Variants in GTPBP2 observed in about 807,000 individuals in gnomAD.
GTPBP2 encodes the protein GTP-binding protein 2.
In GTPBP2, 32 loss-of-function variants were observed where a neutral mutation model predicts 63.0. That is an observed-to-expected ratio of 0.51 (90% CI 0.38 to 0.68). The LOEUF is 0.68. Ranked by LOEUF, GTPBP2 falls within the 30% of genes least tolerant of loss-of-function variation. The probability of loss-of-function intolerance (pLI) is 0.00; values close to 1 mark genes in which losing one functional copy is unlikely to be tolerated. For synonymous variants in GTPBP2, 310 were observed against 322.6 expected, an observed-to-expected ratio of 0.96 and a Z score of 0.42; for missense variants, 492 against 796.9, an observed-to-expected ratio of 0.62 and a Z score of 4.61.
At chr6:43,629,310 C>A (rs1769740708), upstream of GTPBP2, 1 of 612,848 alleles carries the variant, frequency 1.6e-6, no homozygotes, top group Non-Finnish European at 2.6e-6. Flanking sequence ...CCCTGGCCTC[C>A]GGGTCGCGTC....
chr6:43,625,092 T>G lies in GTPBP2; in HGVS notation c.706-30A>C, dbSNP rs759190177. The G allele has an allele frequency of 6.2e-6, 10 of 1,606,706 alleles. No homozygotes were observed. The East Asian group carries it at 2.0e-4, about 32-fold the overall frequency. ...CCCAGGGCCCAGGGCCCTCAGTGCC[T>G]CCTGCCAGCCCTTCCAACCCCTTCA... On this transcript the variant is annotated intron_variant, in intron 5 of 11. Transcript: ENST00000307126. The surrounding 1 kb of genome is among the most constrained non-coding windows in gnomAD (Gnocchi z 5.1).
chr6:43,624,208 G>C lies in GTPBP2; in HGVS notation c.1101-140C>G, dbSNP rs1193890990. 4.2e-6 allele frequency: 3 copies of C among 721,650 alleles called. No homozygotes were observed. The highest frequency in any genetic ancestry group is 6.8e-6 in the Non-Finnish European group (3 of 442,840). 44.7% of individuals were successfully genotyped at this position (721,650 alleles called of 1,614,324 possible). On this transcript the variant is annotated intron_variant, in intron 7 of 11. Coordinates refer to ENST00000307126, the MANE Select transcript of GTPBP2 (RefSeq NM_019096.5). The surrounding 1 kb of genome is among the most constrained non-coding windows in gnomAD (Gnocchi z 5.1). ...TCTGCAAATGGCTCAGGAACTCTGG[G>C]CCTTCTTGTGAGCCAGTCGAGCAAT... is the stretch of plus-strand genomic sequence containing the variant.
chr6:43,628,892 GATTA>G (rs765635128), intron 1 of GTPBP2, 81 bp downstream of exon 1: 39 of 1,412,164 alleles, frequency 2.8e-5, no homozygotes, highest in Non-Finnish European at 3.4e-5. Flanking sequence ...CGGAAGGGGA[GATTA>G]ATTATCTGGG....
rs781229521 is a variant in GTPBP2 at position 43,625,728 on chromosome 6, T to C, written c.507+28A>G. On this transcript the variant is annotated intron_variant, in intron 4 of 11. Transcript: ENST00000307126. The surrounding 1 kb of genome is among the most constrained non-coding windows in gnomAD (Gnocchi z 5.1). Reference sequence around the variant, plus strand: ...ACAGGGCCCTTCCACAGTGTGGACATGAGAGACAGGGATGGGTGTGTGCTC... The same window carrying C: ...ACAGGGCCCTTCCACAGTGTGGACACGAGAGACAGGGATGGGTGTGTGCTC... 2 of 1,547,358 alleles carry C rather than the reference T, an allele frequency of 1.3e-6. No individual in the cohort carries two copies. The highest frequency in any genetic ancestry group is 1.7e-5 in the Admixed American group (1 of 59,958).
Position 43,625,593 on chromosome 6 carries a change from A to G in GTPBP2, c.508-33T>C. Reference sequence around the variant, plus strand: ...TGAATTGCCAGAGATAAGAACTCCAATCTCTCACCCCTCTAACTGAAGACT... The same window carrying G: ...TGAATTGCCAGAGATAAGAACTCCAGTCTCTCACCCCTCTAACTGAAGACT... On this transcript the variant is annotated intron_variant, in intron 4 of 11. Transcript: ENST00000307126. This position sits in a 1 kb window ranked among gnomAD's most constrained non-coding sequence, Gnocchi z 5.1. The G allele has an allele frequency of 1.3e-6, 2 of 1,552,494 alleles. No individual in the cohort carries two copies. The highest frequency in any genetic ancestry group is 2.2e-5 in the South Asian group (2 of 89,914).
upstream of GTPBP2, among the ~76,000 whole-genome samples, chr6:43,630,072 G>A (rs1769807098): frequency 6.6e-6 from 1 of 152,238 alleles, no homozygotes; most frequent in Non-Finnish European, 1.5e-5. Flanking sequence ...GGCCAAGACT[G>A]TAGGAGGGGC....
At position 43,625,453 on chromosome 6, in the gene GTPBP2, C is replaced by A. The variant is rs773733815; in HGVS notation, c.615G>T (p.Arg205=). The A allele has an allele frequency of 6.2e-7, 1 of 1,614,084 alleles. No individual in the cohort carries two copies. Among genetic ancestry groups the A allele is most frequent in the Non-Finnish European group, 8.5e-7 (1 of 1,180,002 alleles). ...CATGCAGGTGGCGGAAAAGGTTGAG[C>A]CGAGCCCGGCCCCGCCCATTGTCCA... The part of the protein sequence containing the change: ...GELDNGRGRA[R]LNLFRHLHEI... The change falls in exon 5 of 12, where the codon CGG becomes CGT. Residue 205 remains arginine, a synonymous_variant. Transcript: ENST00000307126. This position sits in a 1 kb window ranked among gnomAD's most constrained non-coding sequence, Gnocchi z 5.1.
Position 43,626,902 on chromosome 6 carries a change from T to C in GTPBP2, c.213+20A>G, listed in dbSNP as rs553794993. ...GGACAACCTACCCCAGCCCCTGCTT[T>C]TCCCCAGCCTAGGACTCACTTTATA... On this transcript the variant is annotated intron_variant, in intron 2 of 11. Coordinates refer to ENST00000307126, the MANE Select transcript of GTPBP2 (RefSeq NM_019096.5). The surrounding 1 kb of genome is among the most constrained non-coding windows in gnomAD (Gnocchi z 4.0). 6.3e-7 allele frequency: 1 copy of C among 1,596,370 alleles called. No individual in the cohort carries two copies. Among genetic ancestry groups the C allele is most frequent in the Admixed American group, 1.7e-5 (1 of 57,388 alleles).
Position 43,625,077 on chromosome 6 carries a change from A to AGGGCCCT in GTPBP2, c.706-22_706-16dup. On this transcript the variant is annotated splice_polypyrimidine_tract_variant and intron_variant, in intron 5 of 11. Coordinates refer to ENST00000307126, the MANE Select transcript of GTPBP2 (RefSeq NM_019096.5). This position sits in a 1 kb window ranked among gnomAD's most constrained non-coding sequence, Gnocchi z 5.1. ...TAATTCACCACCTGGCCCAGGGCCC[A>AGGGCCCT]GGGCCCTCAGTGCCTCCTGCCAGCC... 1 of 1,611,666 alleles carries AGGGCCCT rather than the reference A, an allele frequency of 6.2e-7. No homozygotes were observed. The highest frequency in any genetic ancestry group is 8.5e-7 in the Non-Finnish European group (1 of 1,178,950).
intron 9 of GTPBP2, chr6:43,623,138 C>G (rs1207332923): frequency 4.1e-6 from 1 of 244,806 alleles, no homozygotes; most frequent in Non-Finnish European, 7.9e-6. Flanking sequence ...CACCTGTAAT[C>G]CTAGCACTTG....
In GTPBP2 at chr6:43,622,001, A is replaced by G; in HGVS notation, c.1632+2T>C. ...AGAAATGGAAGGCCAGGTCCCTCTC[A>G]CCTTGGCATGGATCTTTTCCACCAC... On this transcript the variant is annotated splice_donor_variant, in intron 11 of 11. Transcript: ENST00000307126. LOFTEE classifies it high-confidence loss of function. The surrounding 1 kb of genome is among the most constrained non-coding windows in gnomAD (Gnocchi z 5.4). The G allele has an allele frequency of 6.2e-7, 1 of 1,613,908 alleles. No individual in the cohort carries two copies. The highest frequency in any genetic ancestry group is 8.5e-7 in the Non-Finnish European group (1 of 1,179,858).
chr6:43,626,828 CAAAAA>C lies in GTPBP2; in HGVS notation c.213+89_213+93del. The C allele has an allele frequency of 1.2e-6, 1 of 828,392 alleles. No homozygotes were observed. The highest frequency in any genetic ancestry group is 1.9e-5 in the African/African-American group (1 of 53,820). The allele number at this position is 828,392 out of a possible 1,614,324, so 51.3% of individuals were successfully genotyped here. ...AGGCAACAAGAGCAAAACTTCATCT[CAAAAA>C]AAAAAAAGAAAGAAAGAAAAAAGAA... On this transcript the variant is annotated intron_variant, in intron 2 of 11. Coordinates refer to ENST00000307126, the MANE Select transcript of GTPBP2 (RefSeq NM_019096.5). This position sits in a 1 kb window ranked among gnomAD's most constrained non-coding sequence, Gnocchi z 4.0.
chr6:43,627,156 C>T (rs568912119), intron 1 of GTPBP2: 2 of 628,474 alleles, frequency 3.2e-6, no homozygotes, highest in Admixed American at 8.1e-5. Context: ...CCTATAAGGA[C>T]ACAAGGAGTC....
chr6:43,622,920 G>A lies in GTPBP2; in HGVS notation c.1296-116C>T. On this transcript the variant is annotated intron_variant, in intron 9 of 11. Coordinates refer to ENST00000307126, the MANE Select transcript of GTPBP2 (RefSeq NM_019096.5). This position sits in a 1 kb window ranked among gnomAD's most constrained non-coding sequence, Gnocchi z 5.4. Reference sequence around the variant, plus strand: ...AGGGTTGAGTCCCTCAAGTGGGGAAGAACCCTAAATTCTGACTTGGATGTA... The same window carrying A: ...AGGGTTGAGTCCCTCAAGTGGGGAAAAACCCTAAATTCTGACTTGGATGTA... 2 of 781,206 alleles carry A rather than the reference G, an allele frequency of 2.6e-6. No individual in the cohort carries two copies. Among genetic ancestry groups the A allele is most frequent in the Non-Finnish European group, 4.0e-6 (2 of 497,802 alleles). The allele number at this position is 781,206 out of a possible 1,614,324, so 48.4% of individuals were successfully genotyped here.
rs1769242554 is a variant in GTPBP2 at position 43,625,619 on chromosome 6, G to A, written c.508-59C>T. On this transcript the variant is annotated intron_variant, in intron 4 of 11. Transcript: ENST00000307126. This position sits in a 1 kb window ranked among gnomAD's most constrained non-coding sequence, Gnocchi z 5.1. ...TCTCTCACCCCTCTAACTGAAGACT[G>A]GGTCAAGGGCAGTGACGCTCCCTAG... 6.7e-7 allele frequency: 1 copy of A among 1,488,670 alleles called. No homozygotes were observed. The highest frequency in any genetic ancestry group is 1.4e-5 in the African/African-American group (1 of 72,418). The allele number at this position is 1,488,670 out of a possible 1,614,324, so 92.2% of individuals were successfully genotyped here.
chr6:43,628,662 A>C, intron 1 of GTPBP2: 1 of 816,546 alleles, frequency 1.2e-6, no homozygotes, highest in Non-Finnish European at 1.9e-6. Context: ...CTCTTGCCCT[A>C]TGGCGGCACA....
rs1768725420 is a variant in GTPBP2 at position 43,621,626 on chromosome 6, G to T, written c.1797C>A (p.Asn599Lys). Residue 599 changes from asparagine (N) to lysine (K), a missense_variant, in exon 12 of 12, where the codon AAC becomes AAA. Physicochemically the swap from Asn to Lys is moderately conservative, Grantham distance 94 (BLOSUM62 0). Transcript: ENST00000307126. ...QAITAGEAQANMGF is the reference protein window; with the variant it reads ...QAITAGEAQAKMGF Reference sequence around the variant, plus strand: ...CTGCCTGAAGGGTTCAGAAGCCCATGTTGGCCTGGGCTTCTCCTGCTGTAA... The same window carrying T: ...CTGCCTGAAGGGTTCAGAAGCCCATTTTGGCCTGGGCTTCTCCTGCTGTAA... 6.2e-7 allele frequency: 1 copy of T among 1,614,214 alleles called. No homozygotes were observed. Among genetic ancestry groups the T allele is most frequent in the African/African-American group, 1.3e-5 (1 of 75,062 alleles).
In GTPBP2 at chr6:43,629,083, G is replaced by T; in HGVS notation, c.80C>A (p.Ala27Asp). ...GCCGCTGCTGCTGCCGGCCCCCCTA[G>T]CCTTGAGGGTTCCGCCCACGGCCGG... ...GGPAVGGTLK[A>D]RGAGSSSGCG... The change falls in exon 1 of 12, where the codon GCT becomes GAT. Residue 27 changes from alanine to aspartate, a missense_variant. Around this residue, in one of 2 missense-constraint regions of GTPBP2, gnomAD observed 92 missense variants for 86.1 expected, o/e 1.07. Coordinates refer to ENST00000307126, the MANE Select transcript of GTPBP2 (RefSeq NM_019096.5). The T allele has an allele frequency of 6.3e-7, 1 of 1,594,002 alleles. No individual in the cohort carries two copies. The highest frequency in any genetic ancestry group is 1.1e-5 in the South Asian group (1 of 89,058).
In GTPBP2 at chr6:43,624,980, C is replaced by A. The variant is rs749583028; in HGVS notation, c.788G>T (p.Gly263Val). The part of the protein sequence containing the change: ...SKMITFIDLA[G>V]HHKYLHTTIF... ...GGTGGTGTGTAGGTACTTATGGTGG[C>A]CTGCCAGGTCGATGAAGGTGATCAT... is the stretch of plus-strand genomic sequence containing the variant. Residue 263 changes from glycine (G) to valine (V), a missense_variant, in exon 6 of 12, where the codon GGC becomes GTC. Transcript: ENST00000307126. This position sits in a 1 kb window ranked among gnomAD's most constrained non-coding sequence, Gnocchi z 5.1. The A allele has an allele frequency of 6.2e-7, 1 of 1,614,034 alleles. No homozygotes were observed.
Sources: gnomAD v4.1 joint callset for allele counts (sites outside exome capture counted in the v4.1 genomes callset) on GRCh38, gnomAD v4.1.1 for gene constraint, gnomAD v4.1.1 regional missense constraint, Gnocchi (gnomAD v3.1) non-coding constraint, MANE v1.5 for transcripts, NCBI Gene and HGNC (gene_info 2026-07-23, HGNC 2026-07-21) for gene names.